ARB2A: variants seen among roughly 807,000 people sequenced by gnomAD.
ARB2A encodes cotranscriptional regulator ARB2A.
the ARB2A span, chr5:93,741,596 G>C: frequency 6.8e-7 from 1 of 1,473,830 alleles, no homozygotes. Context: ...GCTCTGGTAG[G>C]AACTGATGGC....
At chr5:93,712,784 C>A in the ARB2A span, among the ~76,000 whole-genome samples, 1 of 152,250 alleles carries the variant, frequency 6.6e-6, no homozygotes, top group South Asian at 2.1e-4. Flanking sequence ...CTGAAGGGAT[C>A]ACATTACCTG....
chr5:93,771,065 C>T, the ARB2A span, among the ~76,000 whole-genome samples: 20 of 152,300 alleles, frequency 1.3e-4, no homozygotes, highest in Admixed American at 9.8e-4. Flanking sequence ...TACTACAAGG[C>T]TACACTAACC....
chr5:93,626,662 A>C, the ARB2A span, among the ~76,000 whole-genome samples: 1 of 152,240 alleles, frequency 6.6e-6, no homozygotes, highest in Non-Finnish European at 1.5e-5. Flanking sequence ...AGACATTGTA[A>C]GTACCTTAAT....
the ARB2A span, among the ~76,000 whole-genome samples, chr5:94,089,767 G>A: frequency 2.2e-4 from 34 of 152,176 alleles, no homozygotes; most frequent in South Asian, 1.9e-3. Context: ...TCACAGAACT[G>A]AAAGGGAATA....
the ARB2A span, among the ~76,000 whole-genome samples, chr5:93,699,275 T>C: frequency 6.6e-6 from 1 of 152,210 alleles, no homozygotes; most frequent in Non-Finnish European, 1.5e-5. Flanking sequence ...AATTTGTTAA[T>C]GAATAAAGCC....
chr5:93,709,926 A>G, the ARB2A span, among the ~76,000 whole-genome samples: 1 of 152,218 alleles, frequency 6.6e-6, no homozygotes, highest in Admixed American at 6.5e-5. Context: ...AAGCAAAACT[A>G]AAGCTATAAT....
At chr5:93,895,532 T>A in the ARB2A span, among the ~76,000 whole-genome samples, 1 of 152,174 alleles carries the variant, frequency 6.6e-6, no homozygotes, top group African/African-American at 2.4e-5. Flanking sequence ...ATATTTACAT[T>A]AGAATTCATA....
the ARB2A span, among the ~76,000 whole-genome samples, chr5:93,687,901 C>T: frequency 6.6e-6 from 1 of 152,036 alleles, no homozygotes; most frequent in Admixed American, 6.5e-5. Context: ...CCTTTTCTTT[C>T]TTCACCTGGT....
the ARB2A span, among the ~76,000 whole-genome samples, chr5:93,890,775 T>A: frequency 6.6e-6 from 1 of 152,052 alleles, no homozygotes; most frequent in South Asian, 2.1e-4. Context: ...TGAAGAGGCG[T>A]CTTTAGCCAA....
chr5:94,094,263 T>C, the ARB2A span, among the ~76,000 whole-genome samples: 1 of 152,222 alleles, frequency 6.6e-6, no homozygotes, highest in Non-Finnish European at 1.5e-5. Context: ...GGTTGGTTTC[T>C]GATAAGCGCT....
the ARB2A span, among the ~76,000 whole-genome samples, chr5:93,923,539 T>C: frequency 6.6e-6 from 1 of 152,202 alleles, no homozygotes; most frequent in Non-Finnish European, 1.5e-5. Flanking sequence ...CACAGTTATA[T>C]GGCTGGGCGC....
the ARB2A span, among the ~76,000 whole-genome samples, chr5:94,065,153 C>G: frequency 6.6e-6 from 1 of 152,274 alleles, no homozygotes; most frequent in East Asian, 1.9e-4. Flanking sequence ...CATGGCCCAA[C>G]TACATGCTGA....
At chr5:93,726,705 T>A in the ARB2A span, among the ~76,000 whole-genome samples, 1 of 152,054 alleles carries the variant, frequency 6.6e-6, no homozygotes, top group African/African-American at 2.4e-5. Context: ...TGGGGTTACG[T>A]AACTTAAAAT....
the ARB2A span, among the ~76,000 whole-genome samples, chr5:93,785,822 CATAAA>C: frequency 6.6e-6 from 1 of 152,050 alleles, no homozygotes; most frequent in Non-Finnish European, 1.5e-5. Flanking sequence ...CTTTTAAAAG[CATAAA>C]ATAATACTCT....
At chr5:93,860,459 A>G in the ARB2A span, among the ~76,000 whole-genome samples, 2 of 152,124 alleles carry the variant, frequency 1.3e-5, no homozygotes, top group Non-Finnish European at 2.9e-5. Flanking sequence ...GAAGTAAAAA[A>G]AAAATGATAA....
At chr5:93,675,420 A>G in the ARB2A span, among the ~76,000 whole-genome samples, 1 of 152,212 alleles carries the variant, frequency 6.6e-6, no homozygotes, top group African/African-American at 2.4e-5. Flanking sequence ...CTAAGCTCAC[A>G]GCAGTACTAG....
the ARB2A span, among the ~76,000 whole-genome samples, chr5:93,896,856 T>C: frequency 6.6e-6 from 1 of 152,000 alleles, no homozygotes; most frequent in Non-Finnish European, 1.5e-5. Context: ...CCCTCTTAAA[T>C]TGAACAATAC....
chr5:93,945,059 A>G, the ARB2A span, among the ~76,000 whole-genome samples: 9 of 152,200 alleles, frequency 5.9e-5, no homozygotes, highest in Admixed American at 3.9e-4. Flanking sequence ...CCACTCTCTA[A>G]AAAACAGACA....
At chr5:93,834,952 A>T in the ARB2A span, among the ~76,000 whole-genome samples, 1 of 152,234 alleles carries the variant, frequency 6.6e-6, no homozygotes, top group African/African-American at 2.4e-5. Context: ...CATGAATTCC[A>T]CATTAGAGTG....
Sources: gnomAD v4.1 joint callset for allele counts (sites outside exome capture counted in the v4.1 genomes callset) on GRCh38, gnomAD v4.1.1 for gene constraint, MANE v1.5 for transcripts, NCBI Gene and HGNC (gene_info 2026-07-23, HGNC 2026-07-21) for gene names.